PRIM2: variants seen among roughly 807,000 people sequenced by gnomAD.
PRIM2 encodes DNA primase large subunit.
PRIM2 carries 39 observed loss-of-function variants against 67.3 expected under a neutral mutation model. The observed-to-expected ratio is 0.58, with a 90% CI of 0.45 to 0.76. The LOEUF is 0.76. Ranked by LOEUF, PRIM2 falls within the 30% of genes least tolerant of loss-of-function variation. The probability of loss-of-function intolerance (pLI) is 0.00; values close to 1 mark genes in which losing one functional copy is unlikely to be tolerated. For synonymous variants in PRIM2, 143 were observed against 198.7 expected, an observed-to-expected ratio of 0.72 and a Z score of 2.36; for missense variants, 398 against 598.7, an observed-to-expected ratio of 0.66 and a Z score of 3.50.
At chr6:57,467,140 A>T (rs2127400241) in intron 7 of PRIM2, among the ~76,000 whole-genome samples, 1 of 147,338 alleles carries the variant, frequency 6.8e-6, no homozygotes, top group South Asian at 2.2e-4. Context: ...AAAAGATCCC[A>T]TTTGTTAGTT....
chr6:57,378,961 G>A (rs1394940051), intron 5 of PRIM2, among the ~76,000 whole-genome samples: 22 of 142,572 alleles, frequency 1.5e-4, no homozygotes, highest in African/African-American at 5.4e-4. Context: ...CTGTAATAAA[G>A]AAACGTTTTT....
At chr6:57,270,427 TTGTC>T in the PRIM2 span, among the ~76,000 whole-genome samples, 1 of 150,368 alleles carries the variant, frequency 6.7e-6, no homozygotes. Flanking sequence ...ATTTGGCTGT[TTGTC>T]TGTTATTGGT....
At chr6:57,323,562 A>C (rs571557173) in intron 3 of PRIM2, among the ~76,000 whole-genome samples, 1 of 152,198 alleles carries the variant, frequency 6.6e-6, no homozygotes, top group East Asian at 1.9e-4. Context: ...CATATTAAGA[A>C]ATGTTTTGGC....
At chr6:57,388,979 T>G (rs1400836875) in intron 7 of PRIM2, among the ~76,000 whole-genome samples, 21 of 152,186 alleles carry the variant, frequency 1.4e-4, no homozygotes, top group Non-Finnish European at 1.6e-4. Context: ...CACTTCCACT[T>G]GATTTCATTA....
intron 10 of PRIM2, among the ~76,000 whole-genome samples, chr6:57,575,698 TAATC>T (rs1285179162): frequency 4.6e-4 from 70 of 152,314 alleles, no homozygotes; most frequent in African/African-American, 1.7e-3. Context: ...TCAGTTTAAT[TAATC>T]TTTTTTTTTC....
At chr6:57,368,845 G>A (rs1365877558) in intron 5 of PRIM2, among the ~76,000 whole-genome samples, 1 of 152,116 alleles carries the variant, frequency 6.6e-6, no homozygotes, top group Non-Finnish European at 1.5e-5. Context: ...TTATAGAAAG[G>A]TTTGTTCCTT....
chr6:57,230,582 T>C, the PRIM2 span, among the ~76,000 whole-genome samples: 2 of 152,246 alleles, frequency 1.3e-5, no homozygotes, highest in African/African-American at 2.4e-5. Context: ...CTTTATTTTT[T>C]ATTGCAAATT....
the PRIM2 span, among the ~76,000 whole-genome samples, chr6:57,271,341 C>G: frequency 2.6e-5 from 4 of 152,290 alleles, no homozygotes; most frequent in African/African-American, 9.6e-5. Flanking sequence ...TCAACTTCTT[C>G]CTGGTTTAGT....
At chr6:57,586,581 C>T (rs1484258099) in intron 10 of PRIM2, among the ~76,000 whole-genome samples, 1 of 152,130 alleles carries the variant, frequency 6.6e-6, no homozygotes, top group Non-Finnish European at 1.5e-5. Flanking sequence ...GTTTTTCTCA[C>T]AATGGGTATT....
chr6:57,517,082 A>G (rs1399219583), intron 8 of PRIM2, among the ~76,000 whole-genome samples: 1 of 152,204 alleles, frequency 6.6e-6, no homozygotes, highest in Non-Finnish European at 1.5e-5. Flanking sequence ...GGAGCCTTGT[A>G]TGTATGCAGT....
chr6:57,325,861 A>C (rs962612272), intron 4 of PRIM2, 64 bp from the exon 5 acceptor site: 1 of 1,467,902 alleles, frequency 6.8e-7, no homozygotes, highest in Non-Finnish European at 9.1e-7. Context: ...TTTTATAAAC[A>C]TTTCTTAGAT....
At chr6:57,584,725 A>G (rs1362423021) in intron 10 of PRIM2, among the ~76,000 whole-genome samples, 1 of 151,646 alleles carries the variant, frequency 6.6e-6, no homozygotes, top group Non-Finnish European at 1.5e-5. Flanking sequence ...GTCTTCAGAG[A>G]TATATTTGAT....
intron 8 of PRIM2, among the ~76,000 whole-genome samples, chr6:57,526,396 A>T (rs1581970249): frequency 6.6e-6 from 1 of 152,232 alleles, no homozygotes; most frequent in Non-Finnish European, 1.5e-5. Context: ...GATGAAAAAA[A>T]GTGATGCATA....
chr6:57,429,472 C>T (rs1478594545), intron 7 of PRIM2, among the ~76,000 whole-genome samples: 1 of 152,124 alleles, frequency 6.6e-6, no homozygotes, highest in Non-Finnish European at 1.5e-5. Flanking sequence ...AAGGCCCAGT[C>T]AGAAAGAGGA....
intron 12 of PRIM2, among the ~76,000 whole-genome samples, chr6:57,628,513 CA>C (rs1160413603): frequency 1.3e-5 from 2 of 152,052 alleles, no homozygotes; most frequent in South Asian, 2.1e-4. Flanking sequence ...ATTTTAGATT[CA>C]GGGGGGCACA....
chr6:57,355,644 A>G lies in PRIM2; in HGVS notation c.460-24257A>G, dbSNP rs879902302. ...CTAGGGAAACCAAGGCAGAAACTGC[A>G]TTACTTTTTTCTTTTTTTTTGAGAT... On this transcript the variant is annotated intron_variant, in intron 5 of 13. Coordinates refer to ENST00000615550, the MANE Select transcript of PRIM2 (RefSeq NM_000947.5). Among the ~76,000 whole-genome samples the G allele has an allele frequency of 5.0e-3, 763 of 152,100 alleles. 4 individuals are homozygous for G. The highest frequency in any genetic ancestry group is 8.7e-3 in the Non-Finnish European group (593 of 67,958).
chr6:57,241,688 A>ATTT, the PRIM2 span, among the ~76,000 whole-genome samples: 43,110 of 118,878 alleles, frequency 0.36, 9,358 homozygotes, highest in East Asian at 0.63. Flanking sequence ...AGAACTATGT[A>ATTT]TTTTTTTTTT....
At chr6:57,579,756 T>C (rs1776046084) in intron 10 of PRIM2, among the ~76,000 whole-genome samples, 1 of 152,148 alleles carries the variant, frequency 6.6e-6, no homozygotes, top group South Asian at 2.1e-4. Context: ...GCTGCTTATT[T>C]AAGTTGTCCT....
chr6:57,339,912 A>G (rs1287550119), intron 5 of PRIM2, among the ~76,000 whole-genome samples: 2 of 151,176 alleles, frequency 1.3e-5, no homozygotes, highest in African/African-American at 4.8e-5. Flanking sequence ...CATCAGAGTG[A>G]ACAGGCAACC....
Sources: allele counts gnomAD v4.1 joint callset (sites outside exome capture counted in the v4.1 genomes callset), GRCh38; gene constraint gnomAD v4.1.1; transcripts MANE v1.5; gene names NCBI Gene and HGNC (gene_info 2026-07-23, HGNC 2026-07-21).